MCM6: variants seen among roughly 807,000 people sequenced by gnomAD.
MCM6 encodes the protein DNA replication licensing factor MCM6.
A neutral mutation model predicts 94.3 loss-of-function variants in MCM6; 46 were observed. The observed-to-expected ratio is 0.49, with a 90% confidence interval of 0.39 to 0.62. The LOEUF (loss-of-function observed/expected upper bound fraction) is 0.62. Ranked by LOEUF, MCM6 falls within the 20% of genes least tolerant of loss-of-function variation. MCM6 has a pLI of 0.00. For missense variants in MCM6, 865 were observed against 1,017.9 expected (o/e 0.85, Z 2.04); for synonymous variants, 335 against 351.9 (o/e 0.95, Z 0.54).
chr2:135,846,821 T>C (rs1182274939), intron 14 of MCM6, among the ~76,000 whole-genome samples: 1 of 152,092 alleles, frequency 6.6e-6, no homozygotes, highest in Non-Finnish European at 1.5e-5. Context: ...CTGGCCAACA[T>C]GGTGAAATCC....
chr2:135,843,150 G>A (rs1439744956), intron 16 of MCM6, among the ~76,000 whole-genome samples: 2 of 152,162 alleles, frequency 1.3e-5, no homozygotes, highest in African/African-American at 4.8e-5. Context: ...TGTGAGGGGA[G>A]AGTGGAATCA....
At chr2:135,869,493 T>C (rs1026955073) in intron 3 of MCM6, among the ~76,000 whole-genome samples, 1 of 151,526 alleles carries the variant, frequency 6.6e-6, no homozygotes, top group Non-Finnish European at 1.5e-5. Flanking sequence ...AAAAAAAGCA[T>C]GTGTTACATA....
chr2:135,876,208 G>T (rs148582236), intron 1 of MCM6, 51 bp downstream of exon 1: 2 of 1,457,008 alleles, frequency 1.4e-6, no homozygotes. Context: ...GCCTGGCCCA[G>T]ACGCCGCAGG....
Position 135,839,824 on chromosome 2 carries a change from G to A in MCM6, c.*1011C>T, listed in dbSNP as rs2105567606. ...ATTTCTGGCTGCTCAAATTCACATT[G>A]CACTGGAAAGCTCAGACATCAAGGC... On this transcript the variant is annotated 3_prime_UTR_variant, in exon 17 of 17. Transcript: ENST00000264156. 6.6e-6 allele frequency: 1 copy of A among 152,260 alleles called. No homozygotes were observed. Among genetic ancestry groups the A allele is most frequent in the East Asian group, 1.9e-4 (1 of 5,184 alleles). 9.4% of individuals were successfully genotyped at this position (152,260 alleles called of 1,614,324 possible).
At position 135,846,306 on chromosome 2, in the gene MCM6, T is replaced by C; in HGVS notation, c.2140A>G (p.Arg714Gly). 6.2e-7 allele frequency: 1 copy of C among 1,614,162 alleles called. No homozygotes were observed. ...CGGCAGTACTCAGAGAAGCCCAGCC[T>C]TAAGGAGGCTTTGGGAGCAGACTCT... is the stretch of plus-strand genomic sequence containing the variant. The part of the protein sequence containing the change: ...NQESAPKASL[R>G]LGFSEYCRIS... The change falls in exon 15 of 17, where the codon AGG becomes GGG. Residue 714 changes from arginine (R) to glycine (G), a missense_variant. Transcript: ENST00000264156.
chr2:135,843,708 C>T (rs1679619302), intron 16 of MCM6, among the ~76,000 whole-genome samples: 3 of 129,900 alleles, frequency 2.3e-5, no homozygotes, highest in African/African-American at 9.0e-5. Flanking sequence ...CCAGCATGGG[C>T]AACAAGAGCG....
At chr2:135,854,645 G>T (rs1469015491) in intron 11 of MCM6, among the ~76,000 whole-genome samples, 1 of 151,830 alleles carries the variant, frequency 6.6e-6, no homozygotes, top group Non-Finnish European at 1.5e-5. Flanking sequence ...AGCTGAGGTG[G>T]GCAGACTGGT....
intron 12 of MCM6, 117 bp downstream of exon 12, chr2:135,852,670 T>A: frequency 2.7e-6 from 2 of 753,764 alleles, no homozygotes; most frequent in East Asian, 3.4e-5. Context: ...AAAAAAGTTG[T>A]AAAATTTAGG....
Position 135,840,162 on chromosome 2 carries a change from C to T in MCM6, c.*673G>A, listed in dbSNP as rs1375378301. 6.8e-6 allele frequency: 1 copy of T among 147,078 alleles called. No individual in the cohort carries two copies. The highest frequency in any genetic ancestry group is 2.5e-5 in the African/African-American group (1 of 39,384). The allele number at this position is 147,078 out of a possible 1,614,324, so 9.1% of individuals were successfully genotyped here. ...ATCCTGAGAAATTACCCTTAGGACA[C>T]AGAAGTAAAATAAATTACTAAAGAG... On this transcript the variant is annotated 3_prime_UTR_variant, in exon 17 of 17. Coordinates refer to ENST00000264156, the MANE Select transcript of MCM6 (RefSeq NM_005915.6).
intron 11 of MCM6, 97 bp downstream of exon 11, chr2:135,856,631 T>C: frequency 7.9e-7 from 1 of 1,261,560 alleles, no homozygotes; most frequent in Middle Eastern, 2.4e-4. Context: ...CAAAGGCTGG[T>C]GCACATACAT....
chr2:135,866,137 G>C lies in MCM6; in HGVS notation c.922C>G (p.Pro308Ala). 2 of 1,613,996 alleles carry C rather than the reference G, an allele frequency of 1.2e-6. No individual in the cohort carries two copies. Among genetic ancestry groups the C allele is most frequent in the Non-Finnish European group, 1.7e-6 (2 of 1,179,984 alleles). The change falls in exon 6 of 17, where the codon CCA (proline) becomes GCA (alanine). Residue 308 changes from proline to alanine, a missense_variant. By Grantham distance (27) the Pro-to-Ala change is conservative (BLOSUM62 -1). Around this residue, in one of 3 missense-constraint regions of MCM6, gnomAD observed 404 missense variants for 451.9 expected, o/e 0.89. Coordinates refer to ENST00000264156, the MANE Select transcript of MCM6 (RefSeq NM_005915.6). The part of the protein sequence containing the change: ...FLACCVAPTN[P>A]RFGGKELRDE... ...AAACCCCCAAAACGACTGACCCTTG[G>C]GTTGGTTGGCGCAACACAGCAGGCA...
chr2:135,846,479 A>G, intron 14 of MCM6, 87 bp from the exon 15 acceptor site: 1 of 1,030,206 alleles, frequency 9.7e-7, no homozygotes, highest in South Asian at 1.5e-5. Context: ...ACTTACATTT[A>G]ATACTGATTT....
At chr2:135,870,526 T>C (rs1447421309) in intron 2 of MCM6, among the ~76,000 whole-genome samples, 165 bp from the exon 3 acceptor site, 4 of 152,180 alleles carry the variant, frequency 2.6e-5, no homozygotes, top group Non-Finnish European at 5.9e-5. Flanking sequence ...TTTAGGACCC[T>C]CTTTCAGTTC....
rs577686620 is a variant in MCM6 at position 135,867,907 on chromosome 2, G to C, written c.615+704C>G. On this transcript the variant is annotated intron_variant, in intron 4 of 16. Transcript: ENST00000264156. ...CCGGGTGTGGTGGTGGGCACCTGTAGTCCCAGCTACTCGGGAGGCTGAGGC... is the reference window on the plus strand; with the variant it reads ...CCGGGTGTGGTGGTGGGCACCTGTACTCCCAGCTACTCGGGAGGCTGAGGC... 7.9e-5 allele frequency among the ~76,000 whole-genome samples: 12 copies of C among 152,110 alleles called. No individual in the cohort carries two copies. The East Asian group carries it at 2.1e-3, about 27-fold the overall frequency.
chr2:135,868,984 C>T (rs1680152216), intron 3 of MCM6, 124 bp from the exon 4 acceptor site: 3 of 837,070 alleles, frequency 3.6e-6, no homozygotes, highest in Non-Finnish European at 5.6e-6. Flanking sequence ...ACAAGGTATT[C>T]TTTGGACTCT....
rs368892986 is a variant in MCM6, at chr2:135,868,879, C to T, written c.366-19G>A. On this transcript the variant is annotated intron_variant, in intron 3 of 16. Transcript: ENST00000264156. ...TCGAATCCTGTTTAAAGACAAATGTCCCATTAGTAAACATTCATCTCTTAA... is the reference window on the plus strand; with the variant it reads ...TCGAATCCTGTTTAAAGACAAATGTTCCATTAGTAAACATTCATCTCTTAA... The T allele has an allele frequency of 3.7e-6, 6 of 1,608,572 alleles. No homozygotes were observed. In the African/African-American group the frequency reaches 4.0e-5, roughly 11 times the overall value.
At chr2:135,868,539 G>A in intron 4 of MCM6, 72 bp downstream of exon 4, 2 of 1,458,946 alleles carry the variant, frequency 1.4e-6, no homozygotes. Context: ...ATCTAAATAA[G>A]CTATTGCAAG....
chr2:135,855,171 T>A (rs549620073), intron 11 of MCM6, among the ~76,000 whole-genome samples: 37 of 152,178 alleles, frequency 2.4e-4, no homozygotes, highest in Middle Eastern at 3.4e-3. Context: ...AAAACAAAAC[T>A]AAAGAAAACA....
At chr2:135,873,572 T>C (rs1179280157) in intron 1 of MCM6, among the ~76,000 whole-genome samples, 2 of 152,250 alleles carry the variant, frequency 1.3e-5, no homozygotes, top group Non-Finnish European at 2.9e-5. Context: ...AATATGCAGA[T>C]TCGCCTTAAG....
Sources: gnomAD v4.1 joint callset for allele counts (sites outside exome capture counted in the v4.1 genomes callset) on GRCh38, gnomAD v4.1.1 for gene constraint, gnomAD v4.1.1 regional missense constraint, MANE v1.5 for transcripts, NCBI Gene and HGNC (gene_info 2026-07-23, HGNC 2026-07-21) for gene names.